Variants in OR3A2 observed in about 807,000 individuals in gnomAD.
The protein encoded by OR3A2 is olfactory receptor family 3 subfamily A member 2, also known as olfactory receptor 3A2.
For synonymous variants in OR3A2, 126 were observed against 159.3 expected (o/e 0.79, Z 1.57); for missense variants, 318 against 392.8 (o/e 0.81, Z 1.61).
intron 2 of OR3A2, among the ~76,000 whole-genome samples, chr17:3,366,218 C>T (rs1477865346): frequency 2.0e-5 from 3 of 152,274 alleles, no homozygotes; most frequent in Middle Eastern, 3.4e-3. Context: ...CAGATTTATA[C>T]GTTGAAGAAT....
rs1597333246 is a variant in OR3A2 at position 3,311,476 on chromosome 17, G to A, written c.-85+24557C>T. On this transcript the variant is annotated intron_variant, in intron 3 of 4. Coordinates refer to the OR3A2 transcript ENST00000573491. The surrounding 1 kb of genome is among the most constrained non-coding windows in gnomAD (Gnocchi z 4.6). ...CTTCATCAATGCTCTGACTCACACA[G>A]TGGCTGTGTCTGCGCTTGACTTCTG... 1 of 444,042 alleles carries A rather than the reference G, an allele frequency of 2.3e-6. No individual in the cohort carries two copies. The highest frequency in any genetic ancestry group is 4.6e-6 in the Non-Finnish European group (1 of 216,978). 27.5% of individuals were successfully genotyped at this position (444,042 alleles called of 1,614,324 possible). A position where few individuals can be genotyped will look rare whatever the true frequency, so the allele number is the denominator to read the frequency against.
exon 2 of OR3A2, chr17:3,278,133 T>C: frequency 6.2e-7 from 1 of 1,614,230 alleles, no homozygotes; most frequent in Non-Finnish European, 8.5e-7. Flanking sequence ...CAGTCTCATG[T>C]AGTTGAAGAT....
intron 2 of OR3A2, among the ~76,000 whole-genome samples, chr17:3,382,982 G>C (rs1463205659): frequency 6.6e-6 from 1 of 152,186 alleles, no homozygotes; most frequent in Non-Finnish European, 1.5e-5. Context: ...GAATTGTACG[G>C]CTGAGCCATC....
intron 3 of OR3A2, chr17:3,291,404 G>A (rs1443680956): frequency 1.2e-5 from 5 of 424,158 alleles, no homozygotes; most frequent in South Asian, 6.8e-5. Context: ...GAGAGAACAC[G>A]GTGCCTGAAG....
intron 3 of OR3A2, among the ~76,000 whole-genome samples, chr17:3,333,390 G>C (rs1186406846): frequency 6.6e-6 from 1 of 152,076 alleles, no homozygotes; most frequent in African/African-American, 2.4e-5. Flanking sequence ...TTCTAATTTT[G>C]CCTTTGCCTT....
At chr17:3,351,088 G>A (rs1045851331) in intron 2 of OR3A2, among the ~76,000 whole-genome samples, 76 of 151,352 alleles carry the variant, frequency 5.0e-4, no homozygotes, top group Non-Finnish European at 2.5e-4. Flanking sequence ...TACTGAATGG[G>A]CAAAAGCTGG....
intron 3 of OR3A2, among the ~76,000 whole-genome samples, chr17:3,325,197 C>T (rs1307744571): frequency 7.1e-6 from 1 of 141,460 alleles, no homozygotes; most frequent in Non-Finnish European, 1.5e-5. Context: ...TTCAAAGATC[C>T]TTCCAATTTT....
At chr17:3,313,325 C>T (rs1449293465) in intron 3 of OR3A2, among the ~76,000 whole-genome samples, 1 of 152,182 alleles carries the variant, frequency 6.6e-6, no homozygotes, top group Admixed American at 6.5e-5. Context: ...CACAGTTATT[C>T]TCCACATCCA....
chr17:3,336,802 A>C (rs960064358), intron 2 of OR3A2, among the ~76,000 whole-genome samples: 2 of 152,138 alleles, frequency 1.3e-5, no homozygotes, highest in Non-Finnish European at 2.9e-5. Flanking sequence ...ATCATTTTTT[A>C]AAAAAACTTC....
Position 3,365,681 on chromosome 17 carries a change from G to A in OR3A2, c.-179+18123C>T, listed in dbSNP as rs190353030. 9.8e-5 allele frequency among the ~76,000 whole-genome samples: 15 copies of A among 152,334 alleles called. No homozygotes were observed. The East Asian group carries it at 2.5e-3, about 25-fold the overall frequency. ...CTTGAGGTTACTGCAGCAGGGAAGA[G>A]AGGGATGGAGGAGTTGCATGGGGTC... On this transcript the variant is annotated intron_variant, in intron 2 of 4. Transcript: ENST00000573491.
chr17:3,321,570 T>C (rs929393662), intron 3 of OR3A2, among the ~76,000 whole-genome samples: 5 of 152,166 alleles, frequency 3.3e-5, no homozygotes, highest in Non-Finnish European at 2.9e-5. Flanking sequence ...ACCTAATTTA[T>C]TGAGAGTTTT....
At chr17:3,378,647 C>T (rs1212836618) in intron 2 of OR3A2, among the ~76,000 whole-genome samples, 1 of 152,178 alleles carries the variant, frequency 6.6e-6, no homozygotes, top group African/African-American at 2.4e-5. Flanking sequence ...TCCCCTGCTG[C>T]AGCTGGCATC....
chr17:3,340,006 T>C (rs948192580), intron 2 of OR3A2, among the ~76,000 whole-genome samples: 2 of 152,294 alleles, frequency 1.3e-5, no homozygotes, highest in East Asian at 1.9e-4. Context: ...CTTGGGAAGG[T>C]GTATGTGTCC....
chr17:3,315,231 GCT>G (rs2049071988), intron 3 of OR3A2, among the ~76,000 whole-genome samples: 1 of 152,170 alleles, frequency 6.6e-6, no homozygotes, highest in African/African-American at 2.4e-5. Context: ...TCAAATAATA[GCT>G]CTGTTTTAAG....
At chr17:3,326,833 T>C (rs1249687253) in intron 3 of OR3A2, among the ~76,000 whole-genome samples, 1 of 141,620 alleles carries the variant, frequency 7.1e-6, no homozygotes, top group East Asian at 2.1e-4. Context: ...GATAGTTTAC[T>C]GAGAATGATG....
intron 3 of OR3A2, among the ~76,000 whole-genome samples, chr17:3,331,692 T>A (rs923839896): frequency 2.0e-4 from 30 of 151,742 alleles, no homozygotes; most frequent in African/African-American, 7.3e-4. Flanking sequence ...AATTTGATAG[T>A]CTGAAGCCTT....
At chr17:3,334,221 G>A (rs966945742) in intron 3 of OR3A2, among the ~76,000 whole-genome samples, 3 of 152,142 alleles carry the variant, frequency 2.0e-5, no homozygotes, top group Non-Finnish European at 4.4e-5. Flanking sequence ...TCTAGAAGCA[G>A]AAATACCATC....
At chr17:3,334,652 A>G (rs1454734335) in intron 3 of OR3A2, among the ~76,000 whole-genome samples, 3 of 152,162 alleles carry the variant, frequency 2.0e-5, no homozygotes, top group Admixed American at 2.0e-4. Context: ...GAGTTTTTCT[A>G]CCATTGGGAT....
At chr17:3,326,370 G>A (rs1313212130) in intron 3 of OR3A2, among the ~76,000 whole-genome samples, 1 of 151,982 alleles carries the variant, frequency 6.6e-6, no homozygotes, top group Admixed American at 6.6e-5. Flanking sequence ...GAAAATCTAG[G>A]CAATACCATT....
Sources: gnomAD v4.1 joint callset for allele counts (sites outside exome capture counted in the v4.1 genomes callset) on GRCh38, gnomAD v4.1.1 for gene constraint, Gnocchi (gnomAD v3.1) non-coding constraint, MANE v1.5 for transcripts, NCBI Gene and HGNC (gene_info 2026-07-23, HGNC 2026-07-21) for gene names.